STAB2: variants seen among roughly 807,000 people sequenced by gnomAD.
The protein encoded by STAB2 is stabilin 2.
In STAB2, 288 loss-of-function variants were observed where a neutral mutation model predicts 338.1. That is an observed-to-expected ratio of 0.85 (90% CI 0.77 to 0.94). The LOEUF (loss-of-function observed/expected upper bound fraction) is 0.94, where lower values mean the gene tolerates loss of function less well. Among genes scored for constraint, STAB2 ranks in the 40% least tolerant of loss-of-function variants. The pLI is 0.00. For synonymous variants in STAB2, 1,202 were observed against 1,193.3 expected (o/e 1.01, Z -0.15); for missense variants, 3,141 against 3,210.1 (o/e 0.98, Z 0.52).
At chr12:103,712,068 A>G (rs994098623) in intron 40 of STAB2, among the ~76,000 whole-genome samples, 2 of 152,254 alleles carry the variant, frequency 1.3e-5, no homozygotes, top group Non-Finnish European at 2.9e-5. Context: ...ACAAAATAAT[A>G]CATGAAACAT....
chr12:103,708,651 A>C, intron 39 of STAB2, 115 bp downstream of exon 39: 1 of 978,312 alleles, frequency 1.0e-6, no homozygotes, highest in Non-Finnish European at 1.5e-6. Context: ...GGCAATAAAC[A>C]TGATTCTTTC....
rs746919549 is a variant in STAB2 at position 103,759,270 on chromosome 12, A to C, written c.7245A>C (p.Gln2415His). 1 of 1,614,016 alleles carries C rather than the reference A, an allele frequency of 6.2e-7. No individual in the cohort carries two copies. The highest frequency in any genetic ancestry group is 1.1e-5 in the South Asian group (1 of 91,064). The change falls in exon 65 of 69, where the codon CAA becomes CAC. Residue 2415 changes from glutamine to histidine, a missense_variant. Transcript: ENST00000388887. ...TCACTGCCAGCCAGGACCCACTCCA[A>C]CCGGTACAAAGTCTTCTGGGCTTCT... ...LLITASQDPL[Q>H]PTETRFVDGR...
At chr12:103,765,633 G>T (rs1351736346) in intron 68 of STAB2, among the ~76,000 whole-genome samples, 1 of 152,112 alleles carries the variant, frequency 6.6e-6, no homozygotes, top group African/African-American at 2.4e-5. Context: ...GCACCATCAG[G>T]GCTCACTGCA....
At chr12:103,728,646 T>C (rs1243739952) in intron 47 of STAB2, among the ~76,000 whole-genome samples, 1 of 152,218 alleles carries the variant, frequency 6.6e-6, no homozygotes, top group East Asian at 1.9e-4. Flanking sequence ...TATTCCACAA[T>C]GGAGGCAAGA....
intron 17 of STAB2, among the ~76,000 whole-genome samples, chr12:103,661,217 CAAAAAAAAAAA>C (rs10548393): frequency 9.4e-6 from 1 of 106,108 alleles, no homozygotes; most frequent in Non-Finnish European, 1.9e-5. Context: ...GAGTTCCAGA[CAAAAAAAAAAA>C]AAAAAAAAAG....
chr12:103,654,779 C>T, intron 13 of STAB2, 81 bp downstream of exon 13: 1 of 1,510,080 alleles, frequency 6.6e-7, no homozygotes, highest in African/African-American at 1.4e-5. Context: ...AGCATGCCAG[C>T]ACTCTGTGCT....
intron 9 of STAB2, 39 bp from the exon 10 acceptor site, chr12:103,648,651 C>T (rs1873506859): frequency 3.1e-6 from 5 of 1,602,300 alleles, no homozygotes; most frequent in African/African-American, 1.3e-5. Flanking sequence ...TACTCAATGG[C>T]TCTAAAACCC....
rs756699007 is a variant in STAB2 at position 103,631,641 on chromosome 12, C to T, written c.531C>T (p.Gly177=). ...GGGTGTGCAACAGTGGACTAGATGGCGATGGAACCTGTGAGTGCTACTCTG... is the reference window on the plus strand; with the variant it reads ...GGGTGTGCAACAGTGGACTAGATGGTGATGGAACCTGTGAGTGCTACTCTG... The part of the protein sequence containing the change: ...VHGVCNSGLD[G]DGTCECYSAY... The change falls in exon 6 of 69, where the codon GGC becomes GGT. Residue 177 remains glycine, a synonymous_variant. Coordinates refer to ENST00000388887, the MANE Select transcript of STAB2 (RefSeq NM_017564.10). 15 of 1,613,962 alleles carry T rather than the reference C, an allele frequency of 9.3e-6. No individual in the cohort carries two copies. The highest frequency in any genetic ancestry group is 3.3e-5 in the Admixed American group (2 of 59,994).
intron 15 of STAB2, chr12:103,658,031 G>T (rs1874321761): frequency 6.6e-6 from 1 of 152,186 alleles, no homozygotes. Flanking sequence ...TCCCATTCCT[G>T]CAGAGACCAC....
intron 39 of STAB2, chr12:103,711,152 G>A (rs1404028041): frequency 9.2e-6 from 3 of 325,244 alleles, no homozygotes; most frequent in Non-Finnish European, 1.7e-5. Context: ...CAGAAGAGGG[G>A]TACACATCAA....
chr12:103,644,918 C>A (rs1232793945), intron 9 of STAB2, among the ~76,000 whole-genome samples: 1 of 151,916 alleles, frequency 6.6e-6, no homozygotes, highest in Non-Finnish European at 1.5e-5. Flanking sequence ...CTCGTGTATC[C>A]CATAAATGTA....
intron 29 of STAB2, 108 bp downstream of exon 29, chr12:103,690,090 T>C: frequency 6.9e-7 from 1 of 1,459,766 alleles, no homozygotes; most frequent in Non-Finnish European, 9.2e-7. Context: ...TTCGTGGAGC[T>C]GAACATGTTC....
chr12:103,592,189 A>C (rs1021644296), intron 2 of STAB2: 4 of 152,222 alleles, frequency 2.6e-5, no homozygotes, highest in African/African-American at 9.6e-5. Flanking sequence ...TTCGTATGAT[A>C]CGTGATTAAT....
chr12:103,648,779 G>A lies in STAB2; in HGVS notation c.1130G>A (p.Arg377Lys). 1 of 1,614,128 alleles carries A rather than the reference G, an allele frequency of 6.2e-7. No individual in the cohort carries two copies. The highest frequency in any genetic ancestry group is 8.5e-7 in the Non-Finnish European group (1 of 1,179,998). ...ERLRELNTEP[R>K]GKWQGRLTSF... is the part of the protein sequence containing the mutation. ...CTCAGAGAATTAAATACTGAACCCA[G>A]AGGAAAATGGCAAGGAAGGCTGACC... The change falls in exon 10 of 69, where the codon AGA becomes AAA. Residue 377 changes from arginine (R) to lysine (K), a missense_variant. Physicochemically the swap from Arg to Lys is conservative, Grantham distance 26 (BLOSUM62 2). Coordinates refer to ENST00000388887, the MANE Select transcript of STAB2 (RefSeq NM_017564.10).
rs759599483 is a variant in STAB2 at position 103,631,611 on chromosome 12, G to GC, written c.502dup (p.His168ProfsTer15). On this transcript the variant is annotated frameshift_variant, in exon 6 of 69. Coordinates refer to ENST00000388887, the MANE Select transcript of STAB2 (RefSeq NM_017564.10). LOFTEE classifies it high-confidence loss of function. ...TTCTGTCTCCAGTGTGCAACTGTGT[G>GC]CATGGGGTGTGCAACAGTGGACTAG... The GC allele has an allele frequency of 6.2e-7, 1 of 1,614,138 alleles. No homozygotes were observed. Among genetic ancestry groups the GC allele is most frequent in the East Asian group, 2.2e-5 (1 of 44,884 alleles).
chr12:103,714,078 C>T (rs574589882), intron 42 of STAB2, among the ~76,000 whole-genome samples: 14 of 152,258 alleles, frequency 9.2e-5, no homozygotes, highest in South Asian at 4.2e-4. Context: ...AAAAAGAAAG[C>T]ACATGTACTG....
rs146644619 is a variant in STAB2 at position 103,656,431 on chromosome 12, A to T, written c.1734+850A>T. On this transcript the variant is annotated intron_variant, in intron 15 of 68. Coordinates refer to ENST00000388887, the MANE Select transcript of STAB2 (RefSeq NM_017564.10). The stretch of plus-strand genomic sequence containing the variant: ...TAGTGTAGACAGAAACCATCCATGG[A>T]GCTTGCTAACTAGGCAGATTCCAAA... 6.4e-4 allele frequency among the ~76,000 whole-genome samples: 98 copies of T among 152,286 alleles called. 1 individual carries two copies. Among genetic ancestry groups the T allele is most frequent in the Admixed American group, 4.9e-3 (75 of 15,292 alleles).
intron 58 of STAB2, among the ~76,000 whole-genome samples, chr12:103,747,008 G>C (rs976052936): frequency 7.2e-6 from 1 of 139,588 alleles, no homozygotes; most frequent in African/African-American, 2.7e-5. Flanking sequence ...CCAGGCTGGA[G>C]TGCAATGGTG....
chr12:103,693,695 A>G (rs1012241994), intron 31 of STAB2, among the ~76,000 whole-genome samples: 4 of 152,196 alleles, frequency 2.6e-5, no homozygotes, highest in African/African-American at 9.7e-5. Flanking sequence ...GACATAGGAA[A>G]AAAAGAATAA....
Sources: gnomAD v4.1 joint callset for allele counts (sites outside exome capture counted in the v4.1 genomes callset) on GRCh38, gnomAD v4.1.1 for gene constraint, MANE v1.5 for transcripts, NCBI Gene and HGNC (gene_info 2026-07-23, HGNC 2026-07-21) for gene names.